SLIT3: variants seen among roughly 807,000 people sequenced by gnomAD.
SLIT3 encodes the protein slit guidance ligand 3.
A neutral mutation model predicts 184.0 loss-of-function variants in SLIT3; 68 were observed. The observed-to-expected ratio is 0.37, with a 90% CI of 0.30 to 0.45. The LOEUF is 0.45. SLIT3 is among the 20% of genes least tolerant of loss of function. The pLI is 1.00. For synonymous variants in SLIT3, 831 were observed against 828.6 expected (o/e 1.00, Z -0.05); for missense variants, 1,707 against 2,026.0 (o/e 0.84, Z 3.02).
At chr5:168,748,587 C>T (rs1366638548) in intron 19 of SLIT3, among the ~76,000 whole-genome samples, 153 bp from the exon 20 acceptor site, 1 of 152,206 alleles carries the variant, frequency 6.6e-6, no homozygotes, top group Non-Finnish European at 1.5e-5. Context: ...TGGTCTCATC[C>T]GTGGTTGGCG....
intron 16 of SLIT3, among the ~76,000 whole-genome samples, chr5:168,759,803 T>C (rs2113498158): frequency 6.6e-6 from 1 of 152,248 alleles, no homozygotes; most frequent in Non-Finnish European, 1.5e-5. Flanking sequence ...ATGGAATCCA[T>C]GAATCATGAG....
At chr5:169,060,577 G>C (rs927691748) in intron 4 of SLIT3, among the ~76,000 whole-genome samples, 1 of 152,200 alleles carries the variant, frequency 6.6e-6, no homozygotes, top group Non-Finnish European at 1.5e-5. Flanking sequence ...CACTTCCCTG[G>C]AGATGAGCTG....
intron 29 of SLIT3, among the ~76,000 whole-genome samples, chr5:168,691,828 A>T (rs1244959491): frequency 1.3e-5 from 2 of 152,146 alleles, no homozygotes; most frequent in Non-Finnish European, 2.9e-5. Context: ...CTCCCTCTCG[A>T]TGTCAGAAAA....
intron 8 of SLIT3, among the ~76,000 whole-genome samples, chr5:168,807,640 A>C (rs1030474155): frequency 3.3e-5 from 5 of 152,122 alleles, no homozygotes; most frequent in Non-Finnish European, 7.4e-5. Flanking sequence ...CTGAGACCAA[A>C]CTTAGATGAG....
chr5:168,743,329 T>C (rs1274662452), intron 20 of SLIT3, among the ~76,000 whole-genome samples: 2 of 152,258 alleles, frequency 1.3e-5, no homozygotes, highest in Non-Finnish European at 2.9e-5. Context: ...TGACTTCATG[T>C]CTCTGTGTTA....
intron 20 of SLIT3, among the ~76,000 whole-genome samples, chr5:168,736,378 T>A (rs1183072960): frequency 6.6e-6 from 1 of 152,208 alleles, no homozygotes; most frequent in Non-Finnish European, 1.5e-5. Flanking sequence ...TGCCCAGAGC[T>A]GGTCCACTCT....
chr5:169,179,882 T>C (rs1003195804), intron 4 of SLIT3, among the ~76,000 whole-genome samples: 1 of 152,136 alleles, frequency 6.6e-6, no homozygotes, highest in African/African-American at 2.4e-5. Flanking sequence ...GTACCCACCA[T>C]GTGCTAGATG....
At chr5:168,814,521 C>T (rs1490123010) in intron 8 of SLIT3, among the ~76,000 whole-genome samples, 3 of 152,080 alleles carry the variant, frequency 2.0e-5, no homozygotes, top group East Asian at 1.9e-4. Flanking sequence ...TTGGTGGTGG[C>T]GTGTGGAGTG....
intron 11 of SLIT3, among the ~76,000 whole-genome samples, chr5:168,789,264 G>A (rs1216065832): frequency 6.8e-6 from 1 of 147,090 alleles, no homozygotes; most frequent in Non-Finnish European, 1.5e-5. Context: ...GTGGGAGGGG[G>A]ACGTGGGGTG....
intron 4 of SLIT3, among the ~76,000 whole-genome samples, chr5:169,083,339 C>A (rs1759147449): frequency 6.6e-6 from 1 of 152,174 alleles, no homozygotes; most frequent in South Asian, 2.1e-4. Flanking sequence ...GACCTTAAAG[C>A]TTTACTGGTC....
At chr5:169,148,572 G>A (rs1464055181) in intron 4 of SLIT3, among the ~76,000 whole-genome samples, 3 of 152,168 alleles carry the variant, frequency 2.0e-5, no homozygotes, top group Admixed American at 6.5e-5. Flanking sequence ...GCAACACCTT[G>A]ACTTGAAATG....
intron 4 of SLIT3, among the ~76,000 whole-genome samples, chr5:169,094,392 G>A (rs1759703208): frequency 6.6e-6 from 1 of 152,230 alleles, no homozygotes; most frequent in African/African-American, 2.4e-5. Context: ...ACTTTGGGAG[G>A]CCAAGGCGGG....
chr5:169,012,751 C>A (rs1756202918), intron 4 of SLIT3: 1 of 152,186 alleles, frequency 6.6e-6, no homozygotes, highest in Admixed American at 6.5e-5. Flanking sequence ...TAGGACACCT[C>A]TTCCCATTTG....
At chr5:169,203,799 A>T (rs918842686) in intron 3 of SLIT3, among the ~76,000 whole-genome samples, 2 of 152,074 alleles carry the variant, frequency 1.3e-5, no homozygotes, top group African/African-American at 4.8e-5. Context: ...GATGAGGCTG[A>T]TATTTTGGCC....
chr5:168,799,342 A>T (rs547674388), intron 9 of SLIT3, among the ~76,000 whole-genome samples: 2 of 152,372 alleles, frequency 1.3e-5, no homozygotes, highest in Admixed American at 6.5e-5. Context: ...TAACTGGCAC[A>T]TGTGTCTTTC....
chr5:169,276,476 C>T (rs1468600093), intron 1 of SLIT3, among the ~76,000 whole-genome samples: 1 of 152,180 alleles, frequency 6.6e-6, no homozygotes, highest in Non-Finnish European at 1.5e-5. Flanking sequence ...CAAAGAGTCG[C>T]CGGGATGCCC....
intron 5 of SLIT3, among the ~76,000 whole-genome samples, chr5:168,845,171 G>A (rs564407354): frequency 1.3e-5 from 2 of 152,234 alleles, no homozygotes; most frequent in South Asian, 2.1e-4. Context: ...AGCGGCAAGG[G>A]TGCATGGGGA....
intron 16 of SLIT3, among the ~76,000 whole-genome samples, chr5:168,754,662 G>C (rs1754833811): frequency 6.6e-6 from 1 of 152,202 alleles, no homozygotes; most frequent in African/African-American, 2.4e-5. Flanking sequence ...ATAGATGTTA[G>C]AAGTGACGGA....
At chr5:169,120,512 C>G (rs1311259608) in intron 4 of SLIT3, among the ~76,000 whole-genome samples, 2 of 152,150 alleles carry the variant, frequency 1.3e-5, no homozygotes, top group African/African-American at 4.8e-5. Flanking sequence ...TGAATTCTCT[C>G]CTAGGATTTT....
Sources: allele counts gnomAD v4.1 joint callset (sites outside exome capture counted in the v4.1 genomes callset), GRCh38; gene constraint gnomAD v4.1.1; transcripts MANE v1.5; gene names NCBI Gene and HGNC (gene_info 2026-07-23, HGNC 2026-07-21).